Variants in PCDHGA8 observed in about 807,000 individuals in gnomAD.
PCDHGA8 encodes protocadherin gamma-A8.
In PCDHGA8, 45 loss-of-function variants were observed where a neutral mutation model predicts 59.2. That is an observed-to-expected ratio of 0.76 (90% confidence interval 0.60 to 0.98). The LOEUF is 0.98. Among genes scored for constraint, PCDHGA8 ranks in the 50% least tolerant of loss-of-function variants. The pLI, the probability that PCDHGA8 is intolerant of heterozygous loss-of-function variation, is 0.00. For missense variants in PCDHGA8, 1,257 were observed against 1,196.2 expected, an observed-to-expected ratio of 1.05 and a Z score of -0.75; for synonymous variants, 531 against 519.0, an observed-to-expected ratio of 1.02 and a Z score of -0.32.
In PCDHGA8 at chr5:141,417,067, A is replaced by G. The variant is rs1008801110; in HGVS notation, c.2424+21830A>G. The stretch of plus-strand genomic sequence containing the variant: ...AAAAACTGCTCTTGACATTGTAGCT[A>G]TTGTGAGAAAATATTTTGATTATAA... On this transcript the variant is annotated intron_variant, in intron 1 of 3. Coordinates refer to ENST00000398604, the MANE Select transcript of PCDHGA8 (RefSeq NM_032088.2). 2.0e-5 allele frequency: 3 copies of G among 152,102 alleles called. No homozygotes were observed. The South Asian group carries it at 6.2e-4, about 31-fold the overall frequency. 9.4% of individuals were successfully genotyped at this position (152,102 alleles called of 1,614,324 possible).
At chr5:141,430,737 A>G in intron 1 of PCDHGA8, 1 of 1,498,286 alleles carries the variant, frequency 6.7e-7, no homozygotes, top group South Asian at 1.4e-5. Flanking sequence ...CAGAATTGAA[A>G]ATAATTCTGG....
chr5:141,409,867 C>A (rs376725837), intron 1 of PCDHGA8: 201 of 1,612,544 alleles, frequency 1.2e-4, no homozygotes, highest in Middle Eastern at 8.2e-4. Context: ...TGGGAGACCG[C>A]AATGACAACG....
intron 1 of PCDHGA8, among the ~76,000 whole-genome samples, chr5:141,469,492 T>C (rs1233507221): frequency 6.6e-6 from 1 of 152,038 alleles, no homozygotes; most frequent in Non-Finnish European, 1.5e-5. Flanking sequence ...GGAGAATCGC[T>C]TGAACCCGGG....
chr5:141,398,740 CAG>C (rs759927246), intron 1 of PCDHGA8: 11 of 1,613,746 alleles, frequency 6.8e-6, no homozygotes, highest in Non-Finnish European at 1.7e-6. Context: ...CCGGGAACAA[CAG>C]AGTTACCATC....
At chr5:141,409,276 G>A (rs1458443407) in intron 1 of PCDHGA8, 5 of 1,613,882 alleles carry the variant, frequency 3.1e-6, no homozygotes, top group African/African-American at 2.7e-5. Context: ...AGATTTTGGA[G>A]AATTCACCTC....
intron 1 of PCDHGA8, chr5:141,429,047 GGTTTCACC>G (rs1254088441): frequency 1.3e-5 from 2 of 152,034 alleles, no homozygotes; most frequent in Non-Finnish European, 2.9e-5. Flanking sequence ...GTACAGACGG[GGTTTCACC>G]GTGTTAGCCA....
In PCDHGA8 at chr5:141,393,943, G is replaced by A. The variant is rs186465469; in HGVS notation, c.1130G>A (p.Gly377Glu). ...AFLSVHDQDS[G>E]KNGQVVCYTR... Reference sequence around the variant, plus strand: ...TTGAGTGTGCATGACCAAGACTCTGGAAAGAATGGTCAAGTTGTCTGTTAC... The same window carrying A: ...TTGAGTGTGCATGACCAAGACTCTGAAAAGAATGGTCAAGTTGTCTGTTAC... The change falls in exon 1 of 4, where the codon GGA (glycine) becomes GAA (glutamate). Residue 377 changes from glycine to glutamate, a missense_variant. Transcript: ENST00000398604. 1.6e-5 allele frequency: 26 copies of A among 1,613,936 alleles called. No homozygotes were observed. The East Asian group carries it at 3.1e-4, about 19-fold the overall frequency.
Position 141,393,148 on chromosome 5 carries a change from A to AT in PCDHGA8, c.336dup (p.Lys113Ter). The stretch of plus-strand genomic sequence containing the variant: ...ATAAATATTAACACCCTGGTTGAGG[A>AT]TAAAGGAAAACTCTTTGGGGTAGAA... On this transcript the variant is annotated frameshift_variant, in exon 1 of 4. Coordinates refer to ENST00000398604, the MANE Select transcript of PCDHGA8 (RefSeq NM_032088.2). LOFTEE classifies it high-confidence loss of function. 6.2e-7 allele frequency: 1 copy of AT among 1,613,332 alleles called. No individual in the cohort carries two copies. The highest frequency in any genetic ancestry group is 8.5e-7 in the Non-Finnish European group (1 of 1,179,890).
intron 1 of PCDHGA8, chr5:141,414,845 T>C: frequency 1.2e-6 from 2 of 1,614,218 alleles, no homozygotes; most frequent in South Asian, 1.1e-5. Flanking sequence ...CTGTTTGTGC[T>C]GGACCAGAAC....
intron 2 of PCDHGA8, among the ~76,000 whole-genome samples, chr5:141,503,361 C>T (rs1021880248): frequency 6.6e-6 from 1 of 151,886 alleles, no homozygotes; most frequent in Non-Finnish European, 1.5e-5. Context: ...CTTTGGGAAG[C>T]GGAGGCAGGT....
At chr5:141,454,123 C>CT (rs1273558932) in intron 1 of PCDHGA8, among the ~76,000 whole-genome samples, 5 of 152,194 alleles carry the variant, frequency 3.3e-5, no homozygotes, top group Non-Finnish European at 7.3e-5. Flanking sequence ...GAAGAAATAG[C>CT]TGACCATGGG....
At chr5:141,481,999 C>T (rs958678555) in intron 1 of PCDHGA8, among the ~76,000 whole-genome samples, 7 of 149,942 alleles carry the variant, frequency 4.7e-5, no homozygotes, top group Admixed American at 2.0e-4. Flanking sequence ...GCAGGAGAAT[C>T]GCTTTATCTC....
chr5:141,396,631 A>C lies in PCDHGA8; in HGVS notation c.2424+1394A>C, dbSNP rs1471198116. 7 of 152,348 alleles carry C rather than the reference A, an allele frequency of 4.6e-5. No homozygotes were observed. The South Asian group carries it at 6.2e-4, about 14-fold the overall frequency. 9.4% of individuals were successfully genotyped at this position (152,348 alleles called of 1,614,324 possible). On this transcript the variant is annotated intron_variant, in intron 1 of 3. Transcript: ENST00000398604. ...TGAGACTCCGTCTCAAAAAAAAAAAAAACTAATATTAATAGTAAAAACTCG... is the reference window on the plus strand; with the variant it reads ...TGAGACTCCGTCTCAAAAAAAAAAACAACTAATATTAATAGTAAAAACTCG...
At chr5:141,409,464 C>A in intron 1 of PCDHGA8, 1 of 1,613,940 alleles carries the variant, frequency 6.2e-7, no homozygotes, top group South Asian at 1.1e-5. Context: ...TACAATGTCA[C>A]CATCGTAGCC....
intron 1 of PCDHGA8, chr5:141,400,138 A>T: frequency 6.2e-7 from 1 of 1,614,046 alleles, no homozygotes; most frequent in Non-Finnish European, 8.5e-7. Flanking sequence ...GCTGCCGGAT[A>T]TCACTGACCG....
intron 1 of PCDHGA8, chr5:141,422,634 T>C: frequency 1.9e-6 from 3 of 1,612,682 alleles, no homozygotes; most frequent in Non-Finnish European, 2.5e-6. Flanking sequence ...ACCCCAGGGG[T>C]GCCTCCATCT....
chr5:141,410,518 C>T (rs753664223), intron 1 of PCDHGA8: 1 of 1,613,820 alleles, frequency 6.2e-7, no homozygotes, highest in Non-Finnish European at 8.5e-7. Flanking sequence ...GCAGTGTGCC[C>T]CTACATTCCA....
At chr5:141,423,722 GT>G in intron 1 of PCDHGA8, 1 of 954,176 alleles carries the variant, frequency 1.0e-6, no homozygotes, top group Admixed American at 5.1e-5. Flanking sequence ...TTAAGGAGAT[GT>G]TTTTTGAGCC....
chr5:141,502,179 A>G (rs1403845758), intron 2 of PCDHGA8, among the ~76,000 whole-genome samples: 2 of 152,218 alleles, frequency 1.3e-5, no homozygotes, highest in Non-Finnish European at 2.9e-5. Context: ...GGAATTTAAC[A>G]TTAATACAAT....
Sources: allele counts gnomAD v4.1 joint callset (sites outside exome capture counted in the v4.1 genomes callset), GRCh38; gene constraint gnomAD v4.1.1; transcripts MANE v1.5; gene names NCBI Gene and HGNC (gene_info 2026-07-23, HGNC 2026-07-21).